NFIA: variants seen among roughly 807,000 people sequenced by gnomAD.
The protein encoded by NFIA is nuclear factor I A.
In NFIA, 8 loss-of-function variants were observed where a neutral mutation model predicts 62.8. The observed-to-expected ratio is 0.13, with a 90% CI of 0.07 to 0.23. The LOEUF is 0.23. NFIA is among the 10% of genes least tolerant of loss of function. The pLI is 1.00. For missense variants in NFIA, 410 were observed against 642.1 expected, an observed-to-expected ratio of 0.64 and a Z score of 3.91; for synonymous variants, 235 against 238.1, an observed-to-expected ratio of 0.99 and a Z score of 0.12.
chr1:61,419,631 T>C (rs899538129), intron 9 of NFIA, among the ~76,000 whole-genome samples: 17 of 152,310 alleles, frequency 1.1e-4, no homozygotes, highest in African/African-American at 3.6e-4. Flanking sequence ...AATTCTGATA[T>C]AGCTTGACCT....
At chr1:61,453,320 A>G (rs1187048456) in intron 10 of NFIA, among the ~76,000 whole-genome samples, 2 of 151,918 alleles carry the variant, frequency 1.3e-5, no homozygotes, top group Non-Finnish European at 2.9e-5. Context: ...AACTTGGGGG[A>G]CTTGAAAAGA....
chr1:61,257,015 T>TTTTTG (rs999872352), intron 2 of NFIA, among the ~76,000 whole-genome samples: 30 of 152,162 alleles, frequency 2.0e-4, no homozygotes, highest in Admixed American at 6.5e-4. Context: ...CCAGTTGGGT[T>TTTTTG]TTTTGTTTTG....
chr1:61,409,410 A>G (rs1665996358), intron 9 of NFIA, among the ~76,000 whole-genome samples: 1 of 152,144 alleles, frequency 6.6e-6, no homozygotes, highest in Non-Finnish European at 1.5e-5. Flanking sequence ...CTTTCTTAAC[A>G]AGATGGTGTT....
intron 2 of NFIA, among the ~76,000 whole-genome samples, chr1:61,154,600 G>T (rs1648660220): frequency 6.6e-6 from 1 of 152,094 alleles, no homozygotes; most frequent in Non-Finnish European, 1.5e-5. Flanking sequence ...ACAGGCACAC[G>T]CCACCCTGCC....
Position 61,422,807 on chromosome 1 carries a change from C to G in NFIA, c.1421-3658C>G, listed in dbSNP as rs992404463. On this transcript the variant is annotated intron_variant, in intron 9 of 10. Coordinates refer to ENST00000403491, the MANE Select transcript of NFIA (RefSeq NM_001134673.4). ...ATTCCCCTACTAACCCTCTCCACCCCACTCCCTCATGTCCATGTACCCCAC... is the reference window on the plus strand; with the variant it reads ...ATTCCCCTACTAACCCTCTCCACCCGACTCCCTCATGTCCATGTACCCCAC... 4.6e-5 allele frequency among the ~76,000 whole-genome samples: 7 copies of G among 152,000 alleles called. No individual in the cohort carries two copies. In the East Asian group the frequency reaches 9.7e-4, roughly 21 times the overall value.
chr1:61,274,538 A>G (rs1657695538), intron 2 of NFIA, among the ~76,000 whole-genome samples: 1 of 152,218 alleles, frequency 6.6e-6, no homozygotes, highest in Non-Finnish European at 1.5e-5. Context: ...ATACAAGAAG[A>G]ACATCCAGTT....
chr1:61,424,449 T>A (rs1024605865), intron 9 of NFIA, among the ~76,000 whole-genome samples: 1 of 152,194 alleles, frequency 6.6e-6, no homozygotes, highest in Middle Eastern at 3.4e-3. Context: ...GCTATGTGTC[T>A]ATGATGAGCA....
chr1:61,181,780 A>G (rs1650780004), intron 2 of NFIA, among the ~76,000 whole-genome samples: 2 of 152,208 alleles, frequency 1.3e-5, no homozygotes, highest in South Asian at 4.1e-4. Flanking sequence ...GTGATAGTAA[A>G]TAGTATTTTT....
chr1:61,231,716 G>A (rs968706983), intron 2 of NFIA, among the ~76,000 whole-genome samples: 1 of 152,064 alleles, frequency 6.6e-6, no homozygotes, highest in Non-Finnish European at 1.5e-5. Flanking sequence ...TATAGTCCCA[G>A]CTACTCAGGA....
At chr1:61,420,983 TC>T (rs1311443900) in intron 9 of NFIA, among the ~76,000 whole-genome samples, 6 of 152,160 alleles carry the variant, frequency 3.9e-5, no homozygotes, top group Non-Finnish European at 7.3e-5. Flanking sequence ...TCTTCTCCTT[TC>T]CCTCCACAAT....
At chr1:61,291,425 T>G (rs1437514184) in intron 3 of NFIA, among the ~76,000 whole-genome samples, 3 of 152,188 alleles carry the variant, frequency 2.0e-5, no homozygotes, top group Non-Finnish European at 4.4e-5. Context: ...CATTTGAGTT[T>G]TGGACTCTGA....
chr1:61,088,143 T>G lies in NFIA; in HGVS notation c.28-6T>G. On this transcript the variant is annotated splice_polypyrimidine_tract_variant and splice_region_variant and intron_variant, in intron 1 of 10. Transcript: ENST00000403491. This position sits in a 1 kb window ranked among gnomAD's most constrained non-coding sequence, Gnocchi z 4.5. ...CTTATATTTTTCTTTTTGTTCATTT[T>G]CCTAGGATGAATTTCATCCTTTCAT... 2 of 1,579,296 alleles carry G rather than the reference T, an allele frequency of 1.3e-6. No homozygotes were observed. Among genetic ancestry groups the G allele is most frequent in the Admixed American group, 2.0e-5 (1 of 51,240 alleles).
chr1:61,444,590 G>T (rs1412600472), intron 10 of NFIA, among the ~76,000 whole-genome samples: 1 of 152,150 alleles, frequency 6.6e-6, no homozygotes, highest in African/African-American at 2.4e-5. Context: ...ATACAGAAAG[G>T]TTGATGCAGT....
At chr1:61,216,305 GC>G (rs1653620659) in intron 2 of NFIA, among the ~76,000 whole-genome samples, 1 of 152,014 alleles carries the variant, frequency 6.6e-6, no homozygotes, top group Non-Finnish European at 1.5e-5. Flanking sequence ...GTCTTGGGAT[GC>G]CCAACCCAGT....
intron 3 of NFIA, among the ~76,000 whole-genome samples, chr1:61,324,692 T>C (rs536894925): frequency 1.3e-5 from 2 of 152,320 alleles, no homozygotes; most frequent in African/African-American, 4.8e-5. Flanking sequence ...CTTAACTTTG[T>C]TCCTCTCCTG....
intron 3 of NFIA, among the ~76,000 whole-genome samples, chr1:61,290,115 T>G (rs903286662): frequency 6.6e-6 from 1 of 151,912 alleles, no homozygotes; most frequent in African/African-American, 2.4e-5. Context: ...TCAAGTATTA[T>G]GAGTATATGG....
chr1:61,237,777 T>C (rs1418351795), intron 2 of NFIA, among the ~76,000 whole-genome samples: 1 of 152,182 alleles, frequency 6.6e-6, no homozygotes, highest in Non-Finnish European at 1.5e-5. Context: ...GTGCCTCAGC[T>C]TTCCCAGATA....
chr1:61,332,088 T>C (rs1369198714), intron 3 of NFIA, among the ~76,000 whole-genome samples: 5 of 152,234 alleles, frequency 3.3e-5, no homozygotes, highest in Non-Finnish European at 7.4e-5. Context: ...GTTAAATGAA[T>C]AGATAACTAA....
Position 61,178,388 on chromosome 1 carries a change from A to G in NFIA, c.559+89708A>G, listed in dbSNP as rs909398287. The stretch of plus-strand genomic sequence containing the variant: ...TTTGGCTTCCATATTAGTGATAAGG[A>G]TGAATTTTTACTAAGTGCCTAGGCT... On this transcript the variant is annotated intron_variant, in intron 2 of 10. Coordinates refer to ENST00000403491, the MANE Select transcript of NFIA (RefSeq NM_001134673.4). Among the ~76,000 whole-genome samples, 15 of 152,328 alleles carry G rather than the reference A, an allele frequency of 9.8e-5. No individual in the cohort carries two copies. The South Asian group carries it at 2.9e-3, about 29-fold the overall frequency.
Sources: allele counts gnomAD v4.1 joint callset (sites outside exome capture counted in the v4.1 genomes callset), GRCh38; gene constraint gnomAD v4.1.1; non-coding constraint Gnocchi (gnomAD v3.1); transcripts MANE v1.5; gene names NCBI Gene and HGNC (gene_info 2026-07-23, HGNC 2026-07-21).